Variants in MEGF10 observed in about 807,000 individuals in gnomAD.
MEGF10 encodes the protein multiple EGF like domains 10, also known as multiple epidermal growth factor-like domains protein 10.
Under a neutral mutation model 147.5 loss-of-function variants are expected in MEGF10, and 86 were observed. The ratio of observed to expected loss-of-function variants is 0.58; its 90% CI spans 0.49 to 0.70. MEGF10 has a LOEUF of 0.70. Ranked by LOEUF, MEGF10 falls within the 30% of genes least tolerant of loss-of-function variation. MEGF10 has a pLI of 0.00. For missense variants in MEGF10, 1,329 were observed against 1,487.3 expected (o/e 0.89, Z 1.75); for synonymous variants, 478 against 525.5 (o/e 0.91, Z 1.24).
intron 5 of MEGF10, among the ~76,000 whole-genome samples, chr5:127,391,102 G>GCGCGCACACACA (rs1426600414): frequency 1.3e-4 from 7 of 53,894 alleles, no homozygotes; most frequent in Non-Finnish European, 3.5e-4. Context: ...GCGCGCGCGC[G>GCGCGCACACACA]CACACACACA....
At chr5:127,313,625 C>G (rs1414720852) in intron 1 of MEGF10, among the ~76,000 whole-genome samples, 2 of 152,196 alleles carry the variant, frequency 1.3e-5, no homozygotes, top group African/African-American at 2.4e-5. Flanking sequence ...CTTTTTACTA[C>G]CTTTATCCAT....
chr5:127,377,698 G>A (rs1340465644), intron 5 of MEGF10, among the ~76,000 whole-genome samples: 1 of 152,194 alleles, frequency 6.6e-6, no homozygotes, highest in Non-Finnish European at 1.5e-5. Context: ...AGAAACATAA[G>A]GCACAAAAAG....
At chr5:127,339,352 T>C (rs1761590880) in intron 3 of MEGF10, 131 bp downstream of exon 3, 1 of 603,372 alleles carries the variant, frequency 1.7e-6, no homozygotes, top group Non-Finnish European at 2.9e-6. Flanking sequence ...TCCTGTCTTA[T>C]TTTTGTGCCA....
chr5:127,419,947 C>G (rs1447075116), intron 11 of MEGF10, 97 bp from the exon 12 acceptor site: 1 of 1,402,402 alleles, frequency 7.1e-7, no homozygotes, highest in Non-Finnish European at 9.7e-7. Context: ...GCTTGCATCT[C>G]CAAGGCGTTT....
chr5:127,457,504 C>A lies in MEGF10; in HGVS notation c.*186C>A, dbSNP rs765310112. The stretch of plus-strand genomic sequence containing the variant: ...TAGGTGCTTTTTGTTCAGGTGGATT[C>A]GAAGGAGTTAGAGATGTGATTTCCC... On this transcript the variant is annotated 3_prime_UTR_variant, in exon 25 of 25. Transcript: ENST00000503335. 3.3e-6 allele frequency: 2 copies of A among 606,436 alleles called. No homozygotes were observed. Among genetic ancestry groups the A allele is most frequent in the Non-Finnish European group, 5.7e-6 (2 of 353,778 alleles). 37.6% of individuals were successfully genotyped at this position (606,436 alleles called of 1,614,324 possible). A position where few individuals can be genotyped will look rare whatever the true frequency, so the allele number is the denominator to read the frequency against.
intron 8 of MEGF10, among the ~76,000 whole-genome samples, chr5:127,408,740 C>T (rs1443037156): frequency 6.6e-6 from 1 of 152,148 alleles, no homozygotes; most frequent in Non-Finnish European, 1.5e-5. Flanking sequence ...TTTTCCTTGT[C>T]TCCATCACAT....
intron 1 of MEGF10, among the ~76,000 whole-genome samples, chr5:127,303,873 A>C (rs1759888395): frequency 6.6e-6 from 1 of 152,220 alleles, no homozygotes; most frequent in South Asian, 2.1e-4. Context: ...AAGAGGGGAT[A>C]ATTATGTTAG....
upstream of MEGF10, among the ~76,000 whole-genome samples, chr5:127,287,315 A>C (rs1440761225): frequency 2.0e-5 from 3 of 152,034 alleles, no homozygotes; most frequent in Non-Finnish European, 4.4e-5. Flanking sequence ...AATAAATAAA[A>C]GAAGCAGAGC....
At chr5:127,390,554 G>C (rs957708008) in intron 5 of MEGF10, among the ~76,000 whole-genome samples, 1 of 152,210 alleles carries the variant, frequency 6.6e-6, no homozygotes, top group Non-Finnish European at 1.5e-5. Context: ...GCTTCACAGA[G>C]TGCTGGGATC....
chr5:127,284,780 C>A, the MEGF10 span, among the ~76,000 whole-genome samples: 6 of 152,120 alleles, frequency 3.9e-5, no homozygotes, highest in Admixed American at 6.5e-5. Flanking sequence ...ACTCTGTGAA[C>A]TCTAGTCTAT....
chr5:127,455,648 T>C, intron 24 of MEGF10, 41 bp downstream of exon 24: 1 of 1,554,938 alleles, frequency 6.4e-7, no homozygotes, highest in Non-Finnish European at 8.8e-7. Context: ...GTGCTTAAGT[T>C]TTTAAAAACA....
intron 13 of MEGF10, among the ~76,000 whole-genome samples, chr5:127,432,883 A>G (rs906633642): frequency 1.3e-5 from 2 of 152,222 alleles, no homozygotes; most frequent in African/African-American, 4.8e-5. Flanking sequence ...ACAATGCACC[A>G]TCAAGTTATT....
the MEGF10 span, among the ~76,000 whole-genome samples, chr5:127,271,640 G>T: frequency 1.3e-5 from 2 of 152,044 alleles, no homozygotes; most frequent in African/African-American, 4.8e-5. Context: ...CCCCCATGCT[G>T]TTCTCCTGAT....
intron 2 of MEGF10, among the ~76,000 whole-genome samples, chr5:127,333,499 G>A (rs539320847): frequency 8.8e-5 from 13 of 147,316 alleles, no homozygotes; most frequent in Non-Finnish European, 1.2e-4. Context: ...GTGACAGAGC[G>A]GACCCTGCCT....
chr5:127,280,073 G>A, the MEGF10 span, among the ~76,000 whole-genome samples: 1 of 152,068 alleles, frequency 6.6e-6, no homozygotes, highest in Non-Finnish European at 1.5e-5. Flanking sequence ...AATATCCACT[G>A]TTTTCTTTCA....
chr5:127,268,020 A>C, the MEGF10 span, among the ~76,000 whole-genome samples: 2 of 151,990 alleles, frequency 1.3e-5, no homozygotes, highest in Non-Finnish European at 2.9e-5. Context: ...TTAGGGTGTC[A>C]ATTTTAGATC....
chr5:127,392,734 A>C (rs1205921639), intron 5 of MEGF10, among the ~76,000 whole-genome samples: 2 of 152,206 alleles, frequency 1.3e-5, no homozygotes, highest in African/African-American at 4.8e-5. Context: ...AAGGGTTCCA[A>C]TGTGAGTCTA....
At chr5:127,395,941 G>C (rs1763894394) in intron 5 of MEGF10, among the ~76,000 whole-genome samples, 1 of 152,108 alleles carries the variant, frequency 6.6e-6, no homozygotes, top group African/African-American at 2.4e-5. Flanking sequence ...TTCTGACTCT[G>C]TGTCCCCTCT....
intron 1 of MEGF10, among the ~76,000 whole-genome samples, chr5:127,323,110 A>T (rs913707416): frequency 2.6e-4 from 40 of 152,186 alleles, no homozygotes; most frequent in Non-Finnish European, 2.5e-4. Flanking sequence ...TAAAAAGTTT[A>T]AAAAATTAAA....
Sources: gnomAD v4.1 joint callset for allele counts (sites outside exome capture counted in the v4.1 genomes callset) on GRCh38, gnomAD v4.1.1 for gene constraint, MANE v1.5 for transcripts, NCBI Gene and HGNC (gene_info 2026-07-23, HGNC 2026-07-21) for gene names.